The following PRKG1 variants were observed in gnomAD, a reference collection of about 807,000 sequenced individuals.
PRKG1 encodes the protein cGMP-dependent protein kinase 1.
In PRKG1, 35 loss-of-function variants were observed where a neutral mutation model predicts 88.1. That is an observed-to-expected ratio of 0.40 (90% CI 0.30 to 0.53). PRKG1 has a LOEUF of 0.53. PRKG1 is among the 20% of genes least tolerant of loss of function. The pLI is 0.59. For missense variants in PRKG1, 540 were observed against 839.8 expected, an observed-to-expected ratio of 0.64 and a Z score of 4.41; for synonymous variants, 303 against 292.5, an observed-to-expected ratio of 1.04 and a Z score of -0.37.
intron 9 of PRKG1, among the ~76,000 whole-genome samples, chr10:52,223,522 C>G (rs959838710): frequency 1.8e-4 from 27 of 152,158 alleles, no homozygotes; most frequent in African/African-American, 5.8e-4. Context: ...ACAACTCAAT[C>G]CTTGATCTCC....
intron 1 of PRKG1, among the ~76,000 whole-genome samples, chr10:51,037,466 A>T (rs1239765044): frequency 6.6e-6 from 1 of 151,886 alleles, no homozygotes; most frequent in African/African-American, 2.4e-5. Context: ...CTTTCTAAAA[A>T]AACAAAAAAC....
chr10:51,658,071 G>A (rs1172820325), intron 3 of PRKG1, among the ~76,000 whole-genome samples: 1 of 152,116 alleles, frequency 6.6e-6, no homozygotes, highest in Non-Finnish European at 1.5e-5. Context: ...GAATGAACTG[G>A]ATTAAAAAGA....
intron 2 of PRKG1, among the ~76,000 whole-genome samples, chr10:51,235,767 G>A (rs1214913427): frequency 6.6e-6 from 1 of 151,956 alleles, no homozygotes; most frequent in Non-Finnish European, 1.5e-5. Flanking sequence ...GTGAAAATTG[G>A]TTAAATTATA....
At chr10:51,626,126 T>A (rs550360797) in intron 3 of PRKG1, among the ~76,000 whole-genome samples, 2 of 152,338 alleles carry the variant, frequency 1.3e-5, no homozygotes, top group East Asian at 3.9e-4. Flanking sequence ...TAACATTTTA[T>A]TGGTGTATAC....
At position 52,290,371 on chromosome 10, in the gene PRKG1, A is replaced by C. The variant is rs185065100; in HGVS notation, c.1962+81A>C. 35 of 1,206,368 alleles carry C rather than the reference A, an allele frequency of 2.9e-5. No homozygotes were observed. In the Admixed American group the frequency reaches 7.9e-4, roughly 27 times the overall value. The allele number at this position is 1,206,368 out of a possible 1,614,324, so 74.7% of individuals were successfully genotyped here. A position where few individuals can be genotyped will look rare whatever the true frequency, so the allele number is the denominator to read the frequency against. On this transcript the variant is annotated intron_variant, in intron 17 of 17. Coordinates refer to ENST00000373980, the MANE Select transcript of PRKG1 (RefSeq NM_006258.4). ...GTCAACAATGATCTGTTATTTTTAA[A>C]GTTTAATCCTATGATTAAGTTAAAC...
intron 1 of PRKG1, among the ~76,000 whole-genome samples, chr10:51,016,731 C>T (rs1282551608): frequency 2.0e-5 from 2 of 101,798 alleles, no homozygotes; most frequent in East Asian, 3.2e-4. Flanking sequence ...TGCAGTGGCG[C>T]GATCTCGGCT....
chr10:51,497,274 T>G (rs544823489), intron 3 of PRKG1, among the ~76,000 whole-genome samples: 18 of 152,302 alleles, frequency 1.2e-4, no homozygotes, highest in Non-Finnish European at 1.9e-4. Flanking sequence ...CTCTTTAGAT[T>G]TTCTTTCTTA....
intron 4 of PRKG1, among the ~76,000 whole-genome samples, chr10:51,866,186 AT>A (rs2132846742): frequency 1.3e-5 from 2 of 152,166 alleles, no homozygotes; most frequent in African/African-American, 4.8e-5. Flanking sequence ...AAATATAAAA[AT>A]TTGTGTAATA....
rs565231488 is a variant in PRKG1, at chr10:51,400,654, G to C, written c.479-67069G>C. ...AAAATAAAAAGCAGAGTGCAACGTG[G>C]AAGTGAGTGCGTTTCTGTTTAAATT... On this transcript the variant is annotated intron_variant, in intron 2 of 17. Coordinates refer to ENST00000373980, the MANE Select transcript of PRKG1 (RefSeq NM_006258.4). Among the ~76,000 whole-genome samples, 16 of 152,326 alleles carry C rather than the reference G, an allele frequency of 1.1e-4. No homozygotes were observed. The South Asian group carries it at 3.3e-3, about 32-fold the overall frequency.
intron 9 of PRKG1, among the ~76,000 whole-genome samples, chr10:52,209,815 C>T (rs149312560): frequency 2.0e-3 from 302 of 152,270 alleles, no homozygotes; most frequent in Non-Finnish European, 3.1e-3. Context: ...CTGCCACCAC[C>T]TATTCATACC....
At chr10:52,289,045 T>C (rs1842181563) in intron 16 of PRKG1, 52 bp downstream of exon 16, 2 of 1,519,452 alleles carry the variant, frequency 1.3e-6, no homozygotes, top group African/African-American at 2.8e-5. Flanking sequence ...TTCCCCAGGG[T>C]GTTGCTTTTT....
chr10:52,067,211 T>C (rs1450054734), intron 7 of PRKG1, among the ~76,000 whole-genome samples: 1 of 152,218 alleles, frequency 6.6e-6, no homozygotes, highest in African/African-American at 2.4e-5. Context: ...TTTTTATACT[T>C]GGAATAAAAA....
chr10:52,132,167 C>T (rs904640008), intron 7 of PRKG1, among the ~76,000 whole-genome samples: 1 of 151,956 alleles, frequency 6.6e-6, no homozygotes. Context: ...GAAAGTCATG[C>T]CATGTTCTTA....
rs540032141 is a variant in PRKG1, at chr10:51,618,371, C to T, written c.592+150535C>T. 7.2e-5 allele frequency among the ~76,000 whole-genome samples: 11 copies of T among 152,172 alleles called. No homozygotes were observed. The South Asian group carries it at 2.3e-3, about 32-fold the overall frequency. ...AGTGCTTCAGAACAAAATGTAATAG[C>T]TTAAAGAAAGAAAGAGGTAGAACAC... On this transcript the variant is annotated intron_variant, in intron 3 of 17. Coordinates refer to ENST00000373980, the MANE Select transcript of PRKG1 (RefSeq NM_006258.4).
chr10:51,720,303 A>G (rs10999072), intron 3 of PRKG1, among the ~76,000 whole-genome samples: 66,983 of 151,720 alleles, frequency 0.44, 15,380 homozygotes, highest in Middle Eastern at 0.57. Flanking sequence ...ACATGCAGAC[A>G]TTCATACCTA....
At chr10:51,084,476 A>G (rs1424657024) in intron 1 of PRKG1, among the ~76,000 whole-genome samples, 1 of 152,228 alleles carries the variant, frequency 6.6e-6, no homozygotes, top group Non-Finnish European at 1.5e-5. Context: ...AAATAAAATA[A>G]TGTTAATTAC....
At chr10:51,157,123 G>A (rs188186097) in intron 2 of PRKG1, among the ~76,000 whole-genome samples, 3 of 151,950 alleles carry the variant, frequency 2.0e-5, no homozygotes, top group East Asian at 3.9e-4. Context: ...GGTTCTTATG[G>A]TTTTAACAAA....
intron 2 of PRKG1, among the ~76,000 whole-genome samples, chr10:51,182,472 G>A (rs560138528): frequency 5.3e-5 from 8 of 152,180 alleles, no homozygotes; most frequent in African/African-American, 1.2e-4. Context: ...TTTGCATCAC[G>A]TTTCAGCCAG....
intron 3 of PRKG1, among the ~76,000 whole-genome samples, chr10:51,596,337 T>C (rs973763589): frequency 6.6e-6 from 1 of 152,198 alleles, no homozygotes; most frequent in Non-Finnish European, 1.5e-5. Flanking sequence ...TTGCCTATGG[T>C]ATCACCTTCT....
Sources: gnomAD v4.1 joint callset for allele counts (sites outside exome capture counted in the v4.1 genomes callset) on GRCh38, gnomAD v4.1.1 for gene constraint, MANE v1.5 for transcripts, NCBI Gene and HGNC (gene_info 2026-07-23, HGNC 2026-07-21) for gene names.